Variants in FCHO1 observed in about 807,000 individuals in gnomAD.
The protein encoded by FCHO1 is F-BAR domain only protein 1.
In FCHO1, 45 loss-of-function variants were observed where a neutral mutation model predicts 114.4. The ratio of observed to expected loss-of-function variants is 0.39; its 90% CI spans 0.31 to 0.50. The LOEUF (loss-of-function observed/expected upper bound fraction) is 0.50, where lower values mean the gene tolerates loss of function less well. Ranked by LOEUF, FCHO1 falls within the 20% of genes least tolerant of loss-of-function variation. The pLI, the probability that FCHO1 is intolerant of heterozygous loss-of-function variation, is 0.77. For missense variants in FCHO1, 1,042 were observed against 1,209.6 expected, an observed-to-expected ratio of 0.86 and a Z score of 2.06; for synonymous variants, 480 against 488.9, an observed-to-expected ratio of 0.98 and a Z score of 0.24.
chr19:17,778,091 G>A (rs777349415), intron 18 of FCHO1, 46 bp from the exon 19 acceptor site: 4 of 1,460,822 alleles, frequency 2.7e-6, no homozygotes, highest in Non-Finnish European at 2.9e-6. Flanking sequence ...GGTGGGATGA[G>A]GCTTGGGAAA....
chr19:17,764,266 C>T (rs541585673), intron 5 of FCHO1, 109 bp from the exon 6 acceptor site: 2 of 1,140,382 alleles, frequency 1.8e-6, no homozygotes, highest in East Asian at 4.9e-5. Context: ...GTCTTGAACT[C>T]CTAACCTCAG....
Position 17,772,760 on chromosome 19 carries a change from T to TG in FCHO1, c.790+24dup, listed in dbSNP as rs780239589. On this transcript the variant is annotated intron_variant, in intron 11 of 28. Coordinates refer to ENST00000596536, the MANE Select transcript of FCHO1 (RefSeq NM_015122.3). Reference sequence around the variant, plus strand: ...AAGCCTGGTGAGTCAGGGCAGCCATTGGGGGTCGGGCTTCGGGGCCACAGC... The same window carrying TG: ...AAGCCTGGTGAGTCAGGGCAGCCATTGGGGGGTCGGGCTTCGGGGCCACAGC... 3 of 1,602,800 alleles carry TG rather than the reference T, an allele frequency of 1.9e-6. No individual in the cohort carries two copies. In the African/African-American group the frequency reaches 4.0e-5, roughly 21 times the overall value.
At chr19:17,765,170 TAGAA>T (rs1371756077) in intron 6 of FCHO1, among the ~76,000 whole-genome samples, 1 of 151,070 alleles carries the variant, frequency 6.6e-6, no homozygotes, top group African/African-American at 2.4e-5. Flanking sequence ...GAGACCTTAA[TAGAA>T]AGGGGCAGGC....
Position 17,757,457 on chromosome 19 carries a change from C to T in FCHO1, c.27+2266C>T, listed in dbSNP as rs139416178. 4.6e-3 allele frequency among the ~76,000 whole-genome samples: 699 copies of T among 152,256 alleles called. 10 individuals carry two copies. The highest frequency in any genetic ancestry group is 0.016 in the African/African-American group (681 of 41,542). ...CTCCTGGGGCCAGCACTGTGCCAGC[C>T]TCATCCCAGCAAGACCCTTGGGAGT... On this transcript the variant is annotated intron_variant, in intron 4 of 28. Coordinates refer to ENST00000596536, the MANE Select transcript of FCHO1 (RefSeq NM_015122.3).
At chr19:17,780,747 G>T (rs1227314470) in intron 20 of FCHO1, among the ~76,000 whole-genome samples, 1 of 152,078 alleles carries the variant, frequency 6.6e-6, no homozygotes, top group Non-Finnish European at 1.5e-5. Context: ...TGGGAGGGGA[G>T]GTTGGCAAGC....
intron 4 of FCHO1, among the ~76,000 whole-genome samples, chr19:17,761,744 T>G (rs1278429812): frequency 6.6e-6 from 1 of 151,592 alleles, no homozygotes; most frequent in Non-Finnish European, 1.5e-5. Context: ...CACTGCAACC[T>G]CTGCCTCCCA....
intron 28 of FCHO1, 62 bp downstream of exon 28, chr19:17,787,908 G>T: frequency 6.4e-7 from 1 of 1,550,420 alleles, no homozygotes; most frequent in Non-Finnish European, 8.7e-7. Flanking sequence ...GGCAAGCCCC[G>T]GGGTGTGGGG....
At chr19:17,777,535 CAAAAAAAA>C (rs34293409) in intron 18 of FCHO1, among the ~76,000 whole-genome samples, 1 of 74,808 alleles carries the variant, frequency 1.3e-5, no homozygotes, top group Non-Finnish European at 2.5e-5. Context: ...AACTCCGTCT[CAAAAAAAA>C]AAAAAAAAAA....
chr19:17,775,436 C>T lies in FCHO1; in HGVS notation c.946-20C>T, dbSNP rs1439366640. ...CGATAGTGGGGCGCCTGACTCACTGCTGCCCCCTGACTCCCCTAGACATGT... is the reference window on the plus strand; with the variant it reads ...CGATAGTGGGGCGCCTGACTCACTGTTGCCCCCTGACTCCCCTAGACATGT... On this transcript the variant is annotated intron_variant, in intron 14 of 28. Coordinates refer to ENST00000596536, the MANE Select transcript of FCHO1 (RefSeq NM_015122.3). This position sits in a 1 kb window ranked among gnomAD's most constrained non-coding sequence, Gnocchi z 5.1. 6.2e-7 allele frequency: 1 copy of T among 1,611,688 alleles called. No homozygotes were observed.
At chr19:17,760,837 C>T (rs535587676) in intron 4 of FCHO1, among the ~76,000 whole-genome samples, 3 of 152,146 alleles carry the variant, frequency 2.0e-5, no homozygotes, top group East Asian at 1.9e-4. Flanking sequence ...TTAGTAAACA[C>T]GGGGTTTCAC....
chr19:17,771,389 C>T (rs181097503), intron 9 of FCHO1, among the ~76,000 whole-genome samples: 1 of 150,582 alleles, frequency 6.6e-6, no homozygotes, highest in Admixed American at 6.6e-5. Context: ...AAGAAAAAGG[C>T]TGGGCGCGGT....
chr19:17,784,041 A>G lies in FCHO1; in HGVS notation c.2094-62A>G, dbSNP rs576145905. 30 of 1,571,166 alleles carry G rather than the reference A, an allele frequency of 1.9e-5. No homozygotes were observed. The Middle Eastern group carries it at 5.1e-4, about 27-fold the overall frequency. ...GCATCTTTAGGAAGGGGTAGATTGA[A>G]TGCTGGGAGCCCTGGGAGGGCATGT... is the stretch of plus-strand genomic sequence containing the variant. On this transcript the variant is annotated intron_variant, in intron 24 of 28. Transcript: ENST00000596536. The surrounding 1 kb of genome is among the most constrained non-coding windows in gnomAD (Gnocchi z 5.3).
At chr19:17,787,929 G>C (rs1599825533) in intron 28 of FCHO1, 83 bp downstream of exon 28, 4 of 1,476,338 alleles carry the variant, frequency 2.7e-6, no homozygotes, top group Non-Finnish European at 2.7e-6. Context: ...AGGGATTGGG[G>C]TGTGGGGATC....
At position 17,763,196 on chromosome 19, in the gene FCHO1, A is replaced by C. The variant is rs118136131; in HGVS notation, c.119+343A>C. ...ACTGCAGCCTCGAACTCCTGAGTTC[A>C]AGAGATCCTCCTACCTCAGCTCCCG... On this transcript the variant is annotated intron_variant, in intron 5 of 28. Coordinates refer to ENST00000596536, the MANE Select transcript of FCHO1 (RefSeq NM_015122.3). Among the ~76,000 whole-genome samples, 974 of 150,088 alleles carry C rather than the reference A, an allele frequency of 6.5e-3. 11 individuals carry two copies. The highest frequency in any genetic ancestry group is 0.011 in the Non-Finnish European group (724 of 67,686).
chr19:17,769,403 C>T (rs1298894965), intron 7 of FCHO1, among the ~76,000 whole-genome samples: 12 of 151,130 alleles, frequency 7.9e-5, no homozygotes, highest in Non-Finnish European at 1.2e-4. Flanking sequence ...GGTGAAACCC[C>T]GTCTCTACTA....
chr19:17,761,872 G>C (rs2086396637), intron 4 of FCHO1, among the ~76,000 whole-genome samples: 1 of 150,702 alleles, frequency 6.6e-6, no homozygotes, highest in Non-Finnish European at 1.5e-5. Flanking sequence ...TGCTGGCCAG[G>C]CTGATCCCAA....
chr19:17,762,997 C>T (rs1044469365), intron 5 of FCHO1, 144 bp downstream of exon 5: 4 of 602,352 alleles, frequency 6.6e-6, no homozygotes, highest in African/African-American at 3.7e-5. Flanking sequence ...TGGAAATGAC[C>T]GATTCTCAAC....
chr19:17,748,039 C>T (rs936266750), upstream of FCHO1, among the ~76,000 whole-genome samples: 1 of 152,228 alleles, frequency 6.6e-6, no homozygotes, highest in African/African-American at 2.4e-5. Context: ...AATCCCCCGT[C>T]TCCTGGCCTA....
At chr19:17,760,210 C>T (rs1352543394) in intron 4 of FCHO1, among the ~76,000 whole-genome samples, 1 of 152,138 alleles carries the variant, frequency 6.6e-6, no homozygotes, top group African/African-American at 2.4e-5. Flanking sequence ...GCCACCACGC[C>T]TGGCTAATTT....
Sources: gnomAD v4.1 joint callset for allele counts (sites outside exome capture counted in the v4.1 genomes callset) on GRCh38, gnomAD v4.1.1 for gene constraint, Gnocchi (gnomAD v3.1) non-coding constraint, MANE v1.5 for transcripts, NCBI Gene and HGNC (gene_info 2026-07-23, HGNC 2026-07-21) for gene names.